The following IL18 variants were observed in gnomAD, a reference collection of about 807,000 sequenced individuals.
The protein encoded by IL18 is interleukin 18.
IL18 carries 8 observed loss-of-function variants against 14.2 expected under a neutral mutation model. That is an observed-to-expected ratio of 0.56 (90% confidence interval 0.33 to 1.01). IL18 has a LOEUF of 1.01. IL18 is among the 50% of genes least tolerant of loss of function. The pLI is 0.03. For synonymous variants in IL18, 67 were observed against 71.0 expected (o/e 0.94, Z 0.28); for missense variants, 166 against 231.1 (o/e 0.72, Z 1.83).
chr11:112,159,865 G>A (rs950283999), intron 1 of IL18, among the ~76,000 whole-genome samples: 5 of 152,162 alleles, frequency 3.3e-5, no homozygotes, highest in African/African-American at 4.8e-5. Flanking sequence ...GAAAAGTAAA[G>A]ACAGTGACTA....
Position 112,143,571 on chromosome 11 carries a change from T to A in IL18, c.*25A>T. ...GGCTGGGATTACAGGCGTGAGCCAC[T>A]GCGCCCGGCATGAAATTTTAATAGC... On this transcript the variant is annotated 3_prime_UTR_variant, in exon 6 of 6. Transcript: ENST00000280357. The A allele has an allele frequency of 6.6e-7, 1 of 1,525,626 alleles. No homozygotes were observed. The highest frequency in any genetic ancestry group is 9.0e-7 in the Non-Finnish European group (1 of 1,110,380). 94.5% of individuals were successfully genotyped at this position (1,525,626 alleles called of 1,614,324 possible). A position where few individuals can be genotyped will look rare whatever the true frequency, so the allele number is the denominator to read the frequency against.
intron 4 of IL18, 21 bp downstream of exon 4, chr11:112,150,051 T>C: frequency 6.3e-7 from 1 of 1,587,664 alleles, no homozygotes; most frequent in Non-Finnish European, 8.6e-7. Context: ...CATTTCTATG[T>C]TTGCGAATTA....
chr11:112,160,148 G>GT (rs1004126291), intron 1 of IL18, among the ~76,000 whole-genome samples: 8 of 151,918 alleles, frequency 5.3e-5, no homozygotes, highest in African/African-American at 1.9e-4. Flanking sequence ...CCAGAATTTG[G>GT]TATCTCCTCT....
chr11:112,144,068 C>T (rs1466501026), intron 5 of IL18, among the ~76,000 whole-genome samples: 1 of 152,172 alleles, frequency 6.6e-6, no homozygotes, highest in Non-Finnish European at 1.5e-5. Context: ...CAGCTTACTT[C>T]TCTCCTCTCC....
At chr11:112,149,127 CT>C (rs2135311905) in intron 4 of IL18, among the ~76,000 whole-genome samples, 1 of 152,104 alleles carries the variant, frequency 6.6e-6, no homozygotes, top group South Asian at 2.1e-4. Context: ...CCCAGCTCTA[CT>C]AAAAATACAA....
intron 1 of IL18, among the ~76,000 whole-genome samples, chr11:112,159,296 C>T (rs1449815495): frequency 6.6e-6 from 1 of 151,894 alleles, no homozygotes; most frequent in African/African-American, 2.4e-5. Flanking sequence ...TGAAGTGCTC[C>T]ACTGCACTTC....
At chr11:112,145,179 T>G (rs1371339402) in intron 5 of IL18, among the ~76,000 whole-genome samples, 1 of 152,206 alleles carries the variant, frequency 6.6e-6, no homozygotes, top group African/African-American at 2.4e-5. Context: ...CTCCAACTTC[T>G]CAATCAGTTG....
chr11:112,152,834 G>A lies in IL18; in HGVS notation c.91+758C>T, dbSNP rs569540871. Among the ~76,000 whole-genome samples the A allele has an allele frequency of 7.2e-5, 11 of 152,300 alleles. No individual in the cohort carries two copies. In the South Asian group the frequency reaches 2.3e-3, roughly 32 times the overall value. On this transcript the variant is annotated intron_variant, in intron 3 of 5. Coordinates refer to ENST00000280357, the MANE Select transcript of IL18 (RefSeq NM_001562.4). ...CTGCCTACTTAGACTTTCTTTGAGA[G>A]AAAAATTCTCTATCTTATTCAGCTA...
chr11:112,157,657 G>A (rs1233608149), intron 1 of IL18, among the ~76,000 whole-genome samples: 1 of 152,170 alleles, frequency 6.6e-6, no homozygotes, highest in East Asian at 1.9e-4. Context: ...TACCTTGAAA[G>A]AGAAGCAGGC....
intron 3 of IL18, among the ~76,000 whole-genome samples, chr11:112,151,955 A>C (rs1866446381): frequency 6.6e-6 from 1 of 152,084 alleles, no homozygotes; most frequent in African/African-American, 2.4e-5. Context: ...CTCTCACTTT[A>C]CACATTTCCT....
chr11:112,143,966 C>T (rs1434938782), intron 5 of IL18, 149 bp from the exon 6 acceptor site: 3 of 596,982 alleles, frequency 5.0e-6, no homozygotes, highest in South Asian at 4.1e-5. Flanking sequence ...GCAGTACTGA[C>T]CTCCTCTCCT....
At chr11:112,156,236 T>A (rs1866529540) in intron 1 of IL18, among the ~76,000 whole-genome samples, 1 of 152,130 alleles carries the variant, frequency 6.6e-6, no homozygotes, top group Non-Finnish European at 1.5e-5. Context: ...TAAAAAAAAT[T>A]AATCTGAATT....
In IL18 at chr11:112,143,626, A is replaced by G; in HGVS notation, c.552T>C (p.Ser184=). 2.5e-6 allele frequency: 4 copies of G among 1,612,180 alleles called. No individual in the cohort carries two copies. The highest frequency in any genetic ancestry group is 3.4e-6 in the Non-Finnish European group (4 of 1,178,722). Residue 184 remains serine, a synonymous_variant, in exon 6 of 6, where the codon TCT becomes TCC. Coordinates refer to ENST00000280357, the MANE Select transcript of IL18 (RefSeq NM_001562.4). ...LKKEDELGDR[S]IMFTVQNED ...CTTCGTTTTGAACAGTGAACATTAT[A>G]GATCTATCCCCCAATTCATCCTCTT...
intron 4 of IL18, 44 bp downstream of exon 4, chr11:112,150,028 A>G (rs752670888): frequency 6.5e-7 from 1 of 1,531,634 alleles, no homozygotes; most frequent in Non-Finnish European, 8.9e-7. Context: ...CAGAATGGGA[A>G]GAAGTAGCTA....
intron 1 of IL18, among the ~76,000 whole-genome samples, chr11:112,159,262 A>G (rs1866587501): frequency 6.6e-6 from 1 of 152,106 alleles, no homozygotes; most frequent in South Asian, 2.1e-4. Context: ...TGAACTGCTT[A>G]AACCCAGGAG....
intron 5 of IL18, among the ~76,000 whole-genome samples, chr11:112,144,190 G>A (rs1866296279): frequency 6.6e-6 from 1 of 152,146 alleles, no homozygotes; most frequent in Admixed American, 6.6e-5. Flanking sequence ...CACGGCTAAA[G>A]ACGATGATGA....
intron 5 of IL18, among the ~76,000 whole-genome samples, chr11:112,144,258 G>A (rs1274747831): frequency 6.6e-6 from 1 of 152,124 alleles, no homozygotes; most frequent in Non-Finnish European, 1.5e-5. Flanking sequence ...TTTGAGACAG[G>A]GTCTCGCTCT....
chr11:112,153,179 C>A (rs919572793), intron 3 of IL18: 3 of 56,896 alleles, frequency 5.3e-5, no homozygotes, highest in Non-Finnish European at 1.5e-4. Context: ...ACCCCACCAC[C>A]AACCCGGGAA....
intron 5 of IL18, among the ~76,000 whole-genome samples, chr11:112,147,398 T>G (rs1361429977): frequency 6.6e-6 from 1 of 152,230 alleles, no homozygotes; most frequent in Non-Finnish European, 1.5e-5. Flanking sequence ...TATCCCAGTT[T>G]CTGAATCTGC....
Sources: gnomAD v4.1 joint callset for allele counts (sites outside exome capture counted in the v4.1 genomes callset) on GRCh38, gnomAD v4.1.1 for gene constraint, MANE v1.5 for transcripts, NCBI Gene and HGNC (gene_info 2026-07-23, HGNC 2026-07-21) for gene names.